Variants in FOXP1 observed in about 807,000 individuals in gnomAD.
FOXP1 encodes the protein forkhead box protein P1.
A neutral mutation model predicts 98.2 loss-of-function variants in FOXP1; 15 were observed. That is an observed-to-expected ratio of 0.15 (90% CI 0.10 to 0.24). The LOEUF (loss-of-function observed/expected upper bound fraction) is 0.24, where lower values mean the gene tolerates loss of function less well. Ranked by LOEUF, FOXP1 falls within the 10% of genes least tolerant of loss-of-function variation. The pLI, the probability that FOXP1 is intolerant of heterozygous loss-of-function variation, is 1.00. For synonymous variants in FOXP1, 371 were observed against 314.5 expected (o/e 1.18, Z -1.90); for missense variants, 633 against 848.5 (o/e 0.75, Z 3.15).
chr3:71,165,247 T>A (rs916708357), intron 6 of FOXP1, among the ~76,000 whole-genome samples: 8 of 136,536 alleles, frequency 5.9e-5, no homozygotes, highest in Middle Eastern at 3.8e-3. Context: ...TATTTTTTTG[T>A]AAAAAAAAAA....
intron 7 of FOXP1, among the ~76,000 whole-genome samples, chr3:71,078,434 G>A (rs1339297967): frequency 6.6e-6 from 1 of 152,076 alleles, no homozygotes; most frequent in Non-Finnish European, 1.5e-5. Flanking sequence ...ACAAAACAAA[G>A]CTGGGTACAA....
intron 14 of FOXP1, 41 bp downstream of exon 14, chr3:70,987,953 T>G: frequency 6.3e-7 from 1 of 1,577,010 alleles, no homozygotes; most frequent in Non-Finnish European, 8.7e-7. Flanking sequence ...AGGAATACTG[T>G]GAGTTTTGTT....
chr3:71,114,626 G>C (rs2058216734), intron 6 of FOXP1, among the ~76,000 whole-genome samples: 1 of 152,188 alleles, frequency 6.6e-6, no homozygotes, highest in South Asian at 2.1e-4. Flanking sequence ...CCGTGTCCCA[G>C]GGAGGCCTTC....
rs565147378 is a variant in FOXP1, at chr3:70,955,692, C to A, written c.*3555G>T. On this transcript the variant is annotated 3_prime_UTR_variant, in exon 21 of 21. Transcript: ENST00000649528. ...TCATCATGCAAAATATTTACTGCAG[C>A]AGGAGAAAACATTTTTTAAACAACA... is the stretch of plus-strand genomic sequence containing the variant. The A allele has an allele frequency of 4.3e-6, 1 of 233,302 alleles. No individual in the cohort carries two copies. The allele number at this position is 233,302 out of a possible 1,614,324, so 14.5% of individuals were successfully genotyped here.
At chr3:71,274,161 T>C (rs911105090) in intron 5 of FOXP1, among the ~76,000 whole-genome samples, 4 of 152,122 alleles carry the variant, frequency 2.6e-5, no homozygotes, top group Non-Finnish European at 5.9e-5. Flanking sequence ...ATGCTGTGAG[T>C]TTCCTGAGAT....
At chr3:71,380,375 A>G (rs888154370) in intron 3 of FOXP1, among the ~76,000 whole-genome samples, 1 of 152,226 alleles carries the variant, frequency 6.6e-6, no homozygotes, top group African/African-American at 2.4e-5. Flanking sequence ...AGTAGATCCA[A>G]AACAACCAAC....
At chr3:71,306,631 C>CAAAAAAAAAAAAAAAAAAAAAAAAAAA (rs66479255) in intron 4 of FOXP1, among the ~76,000 whole-genome samples, 2 of 42,834 alleles carry the variant, frequency 4.7e-5, no homozygotes, top group African/African-American at 8.7e-5. Context: ...GAGAATAAGC[C>CAAAAAAAAAAAAAAAAAAAAAAAAAAA]AAAAAAAAAA....
At chr3:71,536,479 G>C (rs1475161775) in intron 2 of FOXP1, among the ~76,000 whole-genome samples, 1 of 151,912 alleles carries the variant, frequency 6.6e-6, no homozygotes, top group Non-Finnish European at 1.5e-5. Flanking sequence ...TACTAGGAAT[G>C]GAGACTGTAC....
intron 6 of FOXP1, among the ~76,000 whole-genome samples, chr3:71,174,096 T>C (rs554802254): frequency 6.6e-6 from 1 of 152,214 alleles, no homozygotes; most frequent in Non-Finnish European, 1.5e-5. Flanking sequence ...CACAGACAGA[T>C]CCATTATTTA....
At chr3:71,427,850 A>G (rs184280607) in intron 3 of FOXP1, among the ~76,000 whole-genome samples, 10 of 152,338 alleles carry the variant, frequency 6.6e-5, no homozygotes, top group Non-Finnish European at 1.0e-4. Context: ...CAGGCACCAA[A>G]GAAAAGATGA....
intron 4 of FOXP1, among the ~76,000 whole-genome samples, chr3:71,358,879 T>C (rs368412920): frequency 6.6e-6 from 1 of 152,264 alleles, no homozygotes; most frequent in East Asian, 1.9e-4. Flanking sequence ...GATGACAATA[T>C]TTCCTATCTG....
chr3:71,501,697 G>A (rs977946011), intron 2 of FOXP1, among the ~76,000 whole-genome samples: 1 of 152,202 alleles, frequency 6.6e-6, no homozygotes, highest in African/African-American at 2.4e-5. Flanking sequence ...GTAGTTGATA[G>A]TACAGCAAGG....
chr3:71,028,279 G>A (rs763265482), intron 11 of FOXP1, among the ~76,000 whole-genome samples: 27 of 151,992 alleles, frequency 1.8e-4, no homozygotes, highest in Non-Finnish European at 3.7e-4. Context: ...TCACTTATCC[G>A]TCACTTTGAA....
intron 2 of FOXP1, among the ~76,000 whole-genome samples, chr3:71,519,539 A>T (rs1577977559): frequency 1.3e-5 from 2 of 152,242 alleles, no homozygotes; most frequent in East Asian, 3.9e-4. Flanking sequence ...CTAAGGCCCC[A>T]TCTCTACTCA....
intron 14 of FOXP1, among the ~76,000 whole-genome samples, chr3:70,982,351 A>AT (rs1355877039): frequency 1.3e-5 from 2 of 152,094 alleles, no homozygotes; most frequent in African/African-American, 2.4e-5. Flanking sequence ...TTAAAAGATA[A>AT]TTTTTTCTGG....
intron 12 of FOXP1, among the ~76,000 whole-genome samples, chr3:71,012,216 G>A (rs1002518140): frequency 6.6e-6 from 1 of 152,040 alleles, no homozygotes; most frequent in Non-Finnish European, 1.5e-5. Flanking sequence ...GGAAGAAATC[G>A]GTACCAAGGT....
intron 3 of FOXP1, among the ~76,000 whole-genome samples, chr3:71,438,073 G>C (rs1262221847): frequency 6.6e-6 from 1 of 152,088 alleles, no homozygotes; most frequent in Non-Finnish European, 1.5e-5. Context: ...TGAAAGTAAT[G>C]GGATAAAAGC....
At chr3:71,084,537 T>C (rs1382090624) in intron 7 of FOXP1, among the ~76,000 whole-genome samples, 1 of 152,232 alleles carries the variant, frequency 6.6e-6, no homozygotes, top group Non-Finnish European at 1.5e-5. Context: ...CATTAGCAAC[T>C]ATTTTATTGT....
intron 5 of FOXP1, among the ~76,000 whole-genome samples, chr3:71,228,001 A>C (rs1203096385): frequency 8.4e-6 from 1 of 118,356 alleles, no homozygotes; most frequent in African/African-American, 3.2e-5. Flanking sequence ...GAATCAAATC[A>C]ATATCATGGT....
Sources: allele counts gnomAD v4.1 joint callset (sites outside exome capture counted in the v4.1 genomes callset), GRCh38; gene constraint gnomAD v4.1.1; transcripts MANE v1.5; gene names NCBI Gene and HGNC (gene_info 2026-07-23, HGNC 2026-07-21).